The following NIPAL3 variants were observed in gnomAD, a reference collection of about 807,000 sequenced individuals.
The protein encoded by NIPAL3 is NIPA like domain containing 3, also known as NIPA-like protein 3.
NIPAL3 carries 41 observed loss-of-function variants against 47.2 expected under a neutral mutation model. That is an observed-to-expected ratio of 0.87 (90% CI 0.68 to 1.13). NIPAL3 has a LOEUF of 1.13. Ranked by LOEUF, NIPAL3 falls within the 50% of genes most tolerant of loss-of-function variation. NIPAL3 has a pLI of 0.00. For missense variants in NIPAL3, 449 were observed against 530.1 expected (o/e 0.85, Z 1.50); for synonymous variants, 194 against 209.6 (o/e 0.93, Z 0.64).
intron 2 of NIPAL3, among the ~76,000 whole-genome samples, chr1:24,423,423 G>A (rs968909582): frequency 1.3e-5 from 2 of 152,226 alleles, no homozygotes; most frequent in African/African-American, 2.4e-5. Flanking sequence ...GGGGGATCAC[G>A]AGGTCAGGAG....
At chr1:24,452,577 A>G (rs1645989111) in intron 6 of NIPAL3, among the ~76,000 whole-genome samples, 1 of 152,216 alleles carries the variant, frequency 6.6e-6, no homozygotes, top group African/African-American at 2.4e-5. Flanking sequence ...ACCCAAGGCC[A>G]CACGACTAGT....
At chr1:24,456,016 AC>A in intron 7 of NIPAL3, 121 bp from the exon 8 acceptor site, 1 of 1,188,654 alleles carries the variant, frequency 8.4e-7, no homozygotes, top group Non-Finnish European at 1.2e-6. Flanking sequence ...TGCCGGCTTG[AC>A]TCTGTTCCTG....
At chr1:24,414,039 C>T (rs1390788705), upstream of NIPAL3, 1 of 152,150 alleles carries the variant, frequency 6.6e-6, no homozygotes, top group Non-Finnish European at 1.5e-5. Flanking sequence ...AACATTCATC[C>T]AAGCCCTGTT....
At chr1:24,445,368 G>T in intron 5 of NIPAL3, 124 bp downstream of exon 5, 1 of 629,858 alleles carries the variant, frequency 1.6e-6, no homozygotes, top group Non-Finnish European at 2.7e-6. Context: ...TCTATGTTCT[G>T]CCCTCAACAG....
At chr1:24,458,568 G>A (rs1052932320) in intron 8 of NIPAL3, among the ~76,000 whole-genome samples, 4 of 151,954 alleles carry the variant, frequency 2.6e-5, no homozygotes, top group Non-Finnish European at 4.4e-5. Flanking sequence ...TTTTAGTGGG[G>A]TGGGGATACG....
chr1:24,468,470 A>C (rs1646790154), intron 11 of NIPAL3, among the ~76,000 whole-genome samples: 1 of 152,220 alleles, frequency 6.6e-6, no homozygotes. Context: ...AGTAATAATA[A>C]GCAAATCTCA....
chr1:24,453,536 C>T (rs767861250), intron 7 of NIPAL3, 32 bp downstream of exon 7: 15 of 1,537,188 alleles, frequency 9.8e-6, no homozygotes, highest in Middle Eastern at 3.4e-4. Context: ...TGAGTTTTGC[C>T]ACCACCAAGA....
intron 2 of NIPAL3, among the ~76,000 whole-genome samples, chr1:24,422,307 T>C (rs1644370907): frequency 6.6e-6 from 1 of 152,180 alleles, no homozygotes; most frequent in Non-Finnish European, 1.5e-5. Flanking sequence ...GACTGAGAAC[T>C]GGGAGACCTG....
intron 5 of NIPAL3, among the ~76,000 whole-genome samples, 170 bp downstream of exon 5, chr1:24,445,414 C>G (rs562421115): frequency 4.6e-5 from 7 of 152,204 alleles, no homozygotes; most frequent in Non-Finnish European, 7.4e-5. Flanking sequence ...CAGGGGTTCT[C>G]AAGCCTGGCC....
At chr1:24,465,419 G>T (rs1646655507) in intron 11 of NIPAL3, 2 of 147,328 alleles carry the variant, frequency 1.4e-5, no homozygotes, top group Non-Finnish European at 2.9e-5. Context: ...ATCAGTATTT[G>T]TGTGTGTATA....
chr1:24,463,035 A>G (rs2148858537), intron 10 of NIPAL3, among the ~76,000 whole-genome samples: 1 of 152,278 alleles, frequency 6.6e-6, no homozygotes, highest in African/African-American at 2.4e-5. Context: ...CTAAAAATAC[A>G]AAAATTAGCC....
chr1:24,446,201 C>A (rs574470655), intron 5 of NIPAL3, among the ~76,000 whole-genome samples: 8 of 152,088 alleles, frequency 5.3e-5, no homozygotes, highest in Admixed American at 5.2e-4. Context: ...CTTTCGGGGA[C>A]TGGGGAGATG....
intron 2 of NIPAL3, among the ~76,000 whole-genome samples, chr1:24,436,174 T>G (rs562085461): frequency 6.6e-6 from 1 of 152,284 alleles, no homozygotes; most frequent in African/African-American, 2.4e-5. Flanking sequence ...AACATTCAGA[T>G]GTACAGATGC....
chr1:24,461,992 G>A (rs538407049), intron 10 of NIPAL3, among the ~76,000 whole-genome samples: 2 of 152,290 alleles, frequency 1.3e-5, no homozygotes, highest in African/African-American at 4.8e-5. Flanking sequence ...CCTGAGACTG[G>A]GTAATTTATA....
intron 11 of NIPAL3, chr1:24,466,138 C>T (rs2148865570): frequency 2.6e-6 from 4 of 1,562,854 alleles, no homozygotes; most frequent in African/African-American, 1.4e-5. Context: ...CGAGAAACAG[C>T]CCCTGACCTC....
intron 2 of NIPAL3, among the ~76,000 whole-genome samples, chr1:24,430,224 A>G (rs1644814530): frequency 6.8e-6 from 1 of 148,058 alleles, no homozygotes; most frequent in African/African-American, 2.6e-5. Flanking sequence ...GTATAGCAGT[A>G]TCACTAAATT....
intron 4 of NIPAL3, among the ~76,000 whole-genome samples, chr1:24,444,888 A>G (rs1419006080): frequency 6.6e-6 from 1 of 152,180 alleles, no homozygotes; most frequent in Non-Finnish European, 1.5e-5. Flanking sequence ...AATAGGAATA[A>G]TGAGAGTACC....
chr1:24,425,647 G>A (rs1350967782), intron 2 of NIPAL3, among the ~76,000 whole-genome samples: 1 of 152,144 alleles, frequency 6.6e-6, no homozygotes, highest in Non-Finnish European at 1.5e-5. Context: ...AGTCTCCTGT[G>A]TGGCCCAGGC....
intron 10 of NIPAL3, among the ~76,000 whole-genome samples, chr1:24,462,487 C>T: frequency 6.6e-6 from 1 of 152,172 alleles, no homozygotes; most frequent in East Asian, 1.9e-4. Context: ...GAGCTATAAG[C>T]CAGGTACAGT....
Sources: gnomAD v4.1 joint callset for allele counts (sites outside exome capture counted in the v4.1 genomes callset) on GRCh38, gnomAD v4.1.1 for gene constraint, MANE v1.5 for transcripts, NCBI Gene and HGNC (gene_info 2026-07-23, HGNC 2026-07-21) for gene names.